Variants in POLR3E observed in about 807,000 individuals in gnomAD.
POLR3E encodes the protein DNA-directed RNA polymerase III subunit RPC5.
Under a neutral mutation model 96.6 loss-of-function variants are expected in POLR3E, and 41 were observed. The ratio of observed to expected loss-of-function variants is 0.42; its 90% CI spans 0.33 to 0.55. POLR3E has a LOEUF of 0.55. Among genes scored for constraint, POLR3E ranks in the 20% least tolerant of loss-of-function variants. The pLI, the probability that POLR3E is intolerant of heterozygous loss-of-function variation, is 0.06. For missense variants in POLR3E, 849 were observed against 952.1 expected (o/e 0.89, Z 1.43); for synonymous variants, 396 against 383.6 (o/e 1.03, Z -0.38).
chr16:22,325,988 C>T lies in POLR3E; in HGVS notation c.1576C>T (p.Leu526Phe), dbSNP rs781730179. ...EEPMDTSPSGLHSKLANGLPL... is the reference protein window; with the variant it reads ...EEPMDTSPSGFHSKLANGLPL... ...GCCCATGGACACTTCCCCCAGCGGC[C>T]TCCACAGCAAGCTGGCCAACGGGCT... The change falls in exon 18 of 21, where the codon CTC becomes TTC. Residue 526 changes from leucine (L) to phenylalanine (F), a missense_variant. Leu to Phe is a conservative substitution (Grantham distance 22, BLOSUM62 0). Coordinates refer to ENST00000299853, the MANE Select transcript of POLR3E (RefSeq NM_018119.4). 1.9e-6 allele frequency: 3 copies of T among 1,594,542 alleles called. No individual in the cohort carries two copies. The highest frequency in any genetic ancestry group is 1.8e-5 in the Admixed American group (1 of 56,982).
chr16:22,327,612 CTG>C (rs1390635238), intron 18 of POLR3E: 1 of 152,206 alleles, frequency 6.6e-6, no homozygotes, highest in South Asian at 2.1e-4. Context: ...GACAAGGAGA[CTG>C]TATTGTAGTC....
chr16:22,298,593 A>G (rs914707043), intron 1 of POLR3E, among the ~76,000 whole-genome samples: 8 of 152,262 alleles, frequency 5.3e-5, no homozygotes, highest in Middle Eastern at 3.4e-3. Flanking sequence ...TCTCGGGTCC[A>G]AGCTCTTACC....
chr16:22,305,112 A>T (rs749604240), intron 2 of POLR3E, 44 bp from the exon 3 acceptor site: 1 of 1,536,978 alleles, frequency 6.5e-7, no homozygotes, highest in Non-Finnish European at 9.0e-7. Flanking sequence ...GGAGGTCAGC[A>T]CTGTGTCCAG....
Position 22,313,484 on chromosome 16 carries a change from C to G in POLR3E, c.365-136C>G. 1 of 630,666 alleles carries G rather than the reference C, an allele frequency of 1.6e-6. No homozygotes were observed. Among genetic ancestry groups the G allele is most frequent in the Non-Finnish European group, 2.9e-6 (1 of 348,160 alleles). The allele number at this position is 630,666 out of a possible 1,614,324, so 39.1% of individuals were successfully genotyped here. ...GGTCCCTGGCCTGGTGGTCCCAAGACTCTAGGATTGGGGGCTGCAGCGGGA... is the reference window on the plus strand; with the variant it reads ...GGTCCCTGGCCTGGTGGTCCCAAGAGTCTAGGATTGGGGGCTGCAGCGGGA... On this transcript the variant is annotated intron_variant, in intron 6 of 20. Transcript: ENST00000299853. The surrounding 1 kb of genome is among the most constrained non-coding windows in gnomAD (Gnocchi z 4.1).
In POLR3E at chr16:22,326,044, C is replaced by T; in HGVS notation, c.1632C>T (p.Ser544=). ...TCGGGCGGGCTGCGGGCACAGACAG[C>T]TTCAACGGGCACCCGCCCCAGGGCT... ...LPLGRAAGTD[S]FNGHPPQGCA... is the part of the protein sequence containing the mutation. Residue 544 remains serine (S), a synonymous_variant, in exon 18 of 21, where the codon AGC becomes AGT. Transcript: ENST00000299853. 1.2e-6 allele frequency: 2 copies of T among 1,605,810 alleles called. No individual in the cohort carries two copies. Among genetic ancestry groups the T allele is most frequent in the Non-Finnish European group, 8.5e-7 (1 of 1,175,078 alleles).
chr16:22,333,589 G>T, intron 20 of POLR3E, 55 bp from the exon 21 acceptor site: 1 of 1,169,962 alleles, frequency 8.5e-7, no homozygotes, highest in East Asian at 2.3e-5. Context: ...TGGACAGAAT[G>T]TAATTAGCTC....
At position 22,313,004 on chromosome 16, in the gene POLR3E, C is replaced by A. The variant is rs925148431; in HGVS notation, c.365-616C>A. Among the ~76,000 whole-genome samples, 2 of 152,042 alleles carry A rather than the reference C, an allele frequency of 1.3e-5. No homozygotes were observed. Among genetic ancestry groups the A allele is most frequent in the South Asian group, 4.1e-4 (2 of 4,832 alleles). ...CAAAAGTAGTGTCATATAACTCGCGCGTTCTGTTTAGAACCCATGTCTCAA... is the reference window on the plus strand; with the variant it reads ...CAAAAGTAGTGTCATATAACTCGCGAGTTCTGTTTAGAACCCATGTCTCAA... On this transcript the variant is annotated intron_variant, in intron 6 of 20. Transcript: ENST00000299853. This position sits in a 1 kb window ranked among gnomAD's most constrained non-coding sequence, Gnocchi z 4.1.
chr16:22,317,598 A>G (rs1266308655), intron 12 of POLR3E, among the ~76,000 whole-genome samples: 1 of 151,738 alleles, frequency 6.6e-6, no homozygotes, highest in Non-Finnish European at 1.5e-5. Flanking sequence ...GGAGGCTTCT[A>G]AAGTACAGGG....
At chr16:22,308,025 G>T (rs1224434603) in intron 3 of POLR3E, 123 bp from the exon 4 acceptor site, 5 of 698,118 alleles carry the variant, frequency 7.2e-6, no homozygotes, top group Non-Finnish European at 1.3e-5. Context: ...TTGTACCCTT[G>T]TGGTAGGGTA....
chr16:22,332,962 A>AC (rs1219896169), intron 20 of POLR3E, among the ~76,000 whole-genome samples: 28 of 95,746 alleles, frequency 2.9e-4, no homozygotes, highest in African/African-American at 5.6e-4. Context: ...TATTTCGTAG[A>AC]CCCCCTTTTT....
intron 16 of POLR3E, 142 bp from the exon 17 acceptor site, chr16:22,325,063 G>GT: frequency 1.4e-6 from 1 of 726,936 alleles, no homozygotes; most frequent in South Asian, 1.6e-5. Context: ...TGCCAGAAGA[G>GT]GGACTCAGTA....
chr16:22,317,760 C>T (rs1158037334), intron 12 of POLR3E, among the ~76,000 whole-genome samples: 3 of 151,750 alleles, frequency 2.0e-5, no homozygotes, highest in Non-Finnish European at 4.4e-5. Flanking sequence ...CTGCCTCAGC[C>T]TTCCGAGTGG....
At chr16:22,298,262 A>G (rs894723387) in intron 1 of POLR3E, among the ~76,000 whole-genome samples, 1 of 152,336 alleles carries the variant, frequency 6.6e-6, no homozygotes, top group Middle Eastern at 3.4e-3. Flanking sequence ...AATAGAGATA[A>G]TAGAAATTCC....
chr16:22,331,501 TGTTA>T (rs2048739954), intron 19 of POLR3E: 2 of 152,474 alleles, frequency 1.3e-5, no homozygotes, highest in African/African-American at 2.4e-5. Flanking sequence ...TCCTGTGAGT[TGTTA>T]CTTTTTTTTG....
rs139064554 is a variant in POLR3E, at chr16:22,298,570, T to G, written c.-39+1033T>G. ...AAGCAGCTGTGGTGGGATTTGAACCTGCACAGTTTTGTTCTCGGGTCCAAG... is the reference window on the plus strand; with the variant it reads ...AAGCAGCTGTGGTGGGATTTGAACCGGCACAGTTTTGTTCTCGGGTCCAAG... On this transcript the variant is annotated intron_variant, in intron 1 of 20. Coordinates refer to ENST00000299853, the MANE Select transcript of POLR3E (RefSeq NM_018119.4). Among the ~76,000 whole-genome samples the G allele has an allele frequency of 9.7e-4, 148 of 152,290 alleles. 1 individual carries two copies. Among genetic ancestry groups the G allele is most frequent in the African/African-American group, 2.7e-3 (114 of 41,552 alleles).
In POLR3E at chr16:22,332,161, A is replaced by G. The variant is rs1230660089; in HGVS notation, c.2046A>G (p.Lys682=). Reference sequence around the variant, plus strand: ...AAGAGTGTGGAGAAGATCTCAGTAAACAGGAGGTGGATAAAGTACTAAAGG... The same window carrying G: ...AAGAGTGTGGAGAAGATCTCAGTAAGCAGGAGGTGGATAAAGTACTAAAGG... ...LTQECGEDLS[K]QEVDKVLKDC... Residue 682 remains lysine, a synonymous_variant, in exon 20 of 21, where the codon AAA becomes AAG. Transcript: ENST00000299853. 6.2e-7 allele frequency: 1 copy of G among 1,613,504 alleles called. No individual in the cohort carries two copies. The highest frequency in any genetic ancestry group is 8.5e-7 in the Non-Finnish European group (1 of 1,179,572).
intron 16 of POLR3E, among the ~76,000 whole-genome samples, chr16:22,324,969 C>T (rs2048548320): frequency 6.6e-6 from 1 of 151,982 alleles, no homozygotes; most frequent in Non-Finnish European, 1.5e-5. Context: ...AGGGAGCACT[C>T]AGGAGCAAGA....
At chr16:22,328,824 A>G (rs1391073157) in intron 19 of POLR3E, 1 of 485,342 alleles carries the variant, frequency 2.1e-6, no homozygotes, top group African/African-American at 2.0e-5. Context: ...CTCCATCAGA[A>G]TCATCTTTTA....
At chr16:22,330,120 C>T (rs2048705833) in intron 19 of POLR3E, among the ~76,000 whole-genome samples, 1 of 151,886 alleles carries the variant, frequency 6.6e-6, no homozygotes, top group Non-Finnish European at 1.5e-5. Context: ...TCATCTAGGC[C>T]TGGAGTGCAG....
Sources: allele counts gnomAD v4.1 joint callset (sites outside exome capture counted in the v4.1 genomes callset), GRCh38; gene constraint gnomAD v4.1.1; non-coding constraint Gnocchi (gnomAD v3.1); transcripts MANE v1.5; gene names NCBI Gene and HGNC (gene_info 2026-07-23, HGNC 2026-07-21).